NBPF26: variants seen among roughly 807,000 people sequenced by gnomAD.
NBPF26 encodes the protein NBPF family member NBPF26.
Under a neutral mutation model 119.6 loss-of-function variants are expected in NBPF26, and 79 were observed. The observed-to-expected ratio is 0.66, with a 90% CI of 0.55 to 0.80. The LOEUF (loss-of-function observed/expected upper bound fraction) is 0.80. NBPF26 is among the 30% of genes least tolerant of loss of function. The pLI, the probability that NBPF26 is intolerant of heterozygous loss-of-function variation, is 0.00. For synonymous variants in NBPF26, 299 were observed against 457.7 expected (o/e 0.65, Z 4.43); for missense variants, 800 against 1,198.2 (o/e 0.67, Z 4.91).
intron 1 of NBPF26, among the ~76,000 whole-genome samples, chr1:120,727,897 A>T (rs1650833357): frequency 1.7e-5 from 2 of 117,896 alleles, no homozygotes; most frequent in Non-Finnish European, 3.3e-5. Context: ...TGGACAGATC[A>T]CTGAACTAGG....
intron 23 of NBPF26, among the ~76,000 whole-genome samples, chr1:120,833,365 T>TTCCC (rs1553273000): frequency 3.0e-5 from 1 of 33,526 alleles, no homozygotes; most frequent in Admixed American, 2.9e-4. Context: ...CTAGGTCACT[T>TTCCC]TCTCTCTGTC....
rs1258747405 is a variant in NBPF26 at position 120,790,338 on chromosome 1, T to A, written c.416-2823T>A. Among the ~76,000 whole-genome samples, 2 of 113,324 alleles carry A rather than the reference T, an allele frequency of 1.8e-5. 1 individual carries two copies. Among genetic ancestry groups the A allele is most frequent in the African/African-American group, 1.1e-4 (2 of 18,674 alleles). The allele number at this position is 113,324 out of a possible 152,430, so 74.3% of individuals were successfully genotyped here. The stretch of plus-strand genomic sequence containing the variant: ...CGATTCTGATCATCTTTTATACATA[T>A]GCTATTTTTGTCTATCACTTTAGGA... On this transcript the variant is annotated intron_variant, in intron 3 of 29. Coordinates refer to ENST00000620612, the Ensembl canonical transcript of NBPF26.
intron 4 of NBPF26, among the ~76,000 whole-genome samples, chr1:120,803,789 T>A: frequency 1.3e-5 from 1 of 79,938 alleles, no homozygotes; most frequent in South Asian, 4.0e-4. Context: ...TTACTAAATA[T>A]GTGAATATTT....
At chr1:120,801,320 C>T (rs1436497236) in intron 4 of NBPF26, among the ~76,000 whole-genome samples, 1 of 120,192 alleles carries the variant, frequency 8.3e-6, no homozygotes, top group Non-Finnish European at 1.7e-5. Context: ...CCCATAGGTA[C>T]AGGCATGCTT....
exon 10 of NBPF26, chr1:120,811,908 C>T (rs1651878090): frequency 1.1e-5 from 12 of 1,066,162 alleles, no homozygotes; most frequent in Non-Finnish European, 1.6e-5. Flanking sequence ...CCTCTTCTGC[C>T]ACAAACGTCA....
At chr1:120,810,946 A>G (rs1439655755) in intron 9 of NBPF26, among the ~76,000 whole-genome samples, 1 of 108,454 alleles carries the variant, frequency 9.2e-6, no homozygotes, top group South Asian at 2.7e-4. Context: ...TGTCTTAGCT[A>G]TTAATAAGTC....
intron 1 of NBPF26, among the ~76,000 whole-genome samples, chr1:120,730,584 T>A (rs1650865032): frequency 8.7e-6 from 1 of 114,386 alleles, no homozygotes; most frequent in Non-Finnish European, 1.7e-5. Flanking sequence ...AGATCTGTTT[T>A]TTCTCCTGTC....
In NBPF26 at chr1:120,777,454, T is replaced by C. The variant is rs1651311896; in HGVS notation, c.156-7520T>C. Among the ~76,000 whole-genome samples, 2 of 105,164 alleles carry C rather than the reference T, an allele frequency of 1.9e-5. 1 individual carries two copies. Among genetic ancestry groups the C allele is most frequent in the Non-Finnish European group, 3.5e-5 (2 of 56,786 alleles). The allele number at this position is 105,164 out of a possible 152,430, so 69.0% of individuals were successfully genotyped here. On this transcript the variant is annotated intron_variant, in intron 2 of 29. Coordinates refer to ENST00000620612, the Ensembl canonical transcript of NBPF26. Reference sequence around the variant, plus strand: ...TGATAAAAGTGTGTATGTGTGTGTGTACGTGTGTGAGAGTGAGAGATTGTA... The same window carrying C: ...TGATAAAAGTGTGTATGTGTGTGTGCACGTGTGTGAGAGTGAGAGATTGTA...
chr1:120,822,005 C>A lies in NBPF26; in HGVS notation c.2424-99C>A. ...GGAAAAATGCCTTTGGTTTCTGTGA[C>A]CACTCCATTCTGTCTCCCATCAGAT... On this transcript the variant is annotated intron_variant, in intron 15 of 29. Coordinates refer to ENST00000620612, the Ensembl canonical transcript of NBPF26. The A allele has an allele frequency of 2.4e-6, 3 of 1,240,632 alleles. 1 individual carries two copies. The South Asian group carries it at 3.9e-5, about 16-fold the overall frequency. 76.9% of individuals were successfully genotyped at this position (1,240,632 alleles called of 1,614,324 possible).
At position 120,823,630 on chromosome 1, in the gene NBPF26, G is replaced by C. The variant is rs1161627625; in HGVS notation, c.2639+270G>C. On this transcript the variant is annotated intron_variant, in intron 17 of 29. Coordinates refer to ENST00000620612, the Ensembl canonical transcript of NBPF26. ...GCAGGGAAACTTGACCACATTTTAC[G>C]CAAAATTATTGAGGACATGCTTTTC... is the stretch of plus-strand genomic sequence containing the variant. 2.5e-3 allele frequency among the ~76,000 whole-genome samples: 312 copies of C among 125,140 alleles called. 18 individuals are homozygous for C. The East Asian group carries it at 0.054, about 22-fold the overall frequency. The allele number at this position is 125,140 out of a possible 152,430, so 82.1% of individuals were successfully genotyped here. A position where few individuals can be genotyped will look rare whatever the true frequency, so the allele number is the denominator to read the frequency against.
In NBPF26 at chr1:120,790,392, G is replaced by T. The variant is rs1157262178; in HGVS notation, c.416-2769G>T. 8.7e-5 allele frequency among the ~76,000 whole-genome samples: 10 copies of T among 114,796 alleles called. 4 individuals are homozygous for T. The highest frequency in any genetic ancestry group is 1.3e-4 in the Non-Finnish European group (8 of 60,396). 75.3% of individuals were successfully genotyped at this position (114,796 alleles called of 152,430 possible). A position where few individuals can be genotyped will look rare whatever the true frequency, so the allele number is the denominator to read the frequency against. On this transcript the variant is annotated intron_variant, in intron 3 of 29. Transcript: ENST00000620612. Reference sequence around the variant, plus strand: ...ATCACAGATCAAGGTCATCCTTTTGGTTTTTGTGATAGCACTATACCTCAG... The same window carrying T: ...ATCACAGATCAAGGTCATCCTTTTGTTTTTTGTGATAGCACTATACCTCAG...
intron 3 of NBPF26, among the ~76,000 whole-genome samples, chr1:120,790,582 T>G (rs1175312624): frequency 6.6e-5 from 7 of 106,486 alleles, no homozygotes; most frequent in African/African-American, 1.8e-4. Flanking sequence ...CTTTCTTTCT[T>G]TCTTTCTTTC....
rs1444610759 is a variant in NBPF26, at chr1:120,824,094, T to C, written c.2760T>C (p.Ser920=). The C allele has an allele frequency of 2.0e-4, 93 of 467,706 alleles. 7 individuals are homozygous for C. In the East Asian group the frequency reaches 2.2e-3, roughly 11 times the overall value. 29.0% of individuals were successfully genotyped at this position (467,706 alleles called of 1,614,324 possible). ...CTGACTCATGCCAGCCCTACAGAAGTGCCTTTTACGTATTGGAGCAACAGC... is the reference window on the plus strand; with the variant it reads ...CTGACTCATGCCAGCCCTACAGAAGCGCCTTTTACGTATTGGAGCAACAGC... The change falls in exon 18 of 30, where the codon AGT becomes AGC. Residue 920 remains serine (S), a synonymous_variant. Coordinates refer to ENST00000620612, the Ensembl canonical transcript of NBPF26.
At chr1:120,805,606 G>C in exon 5 of NBPF26, 2 of 1,461,846 alleles carry the variant, frequency 1.4e-6, no homozygotes, top group Non-Finnish European at 1.9e-6. Context: ...GGTATCAGCC[G>C]GCCATTGGTC....
At position 120,818,528 on chromosome 1, in the gene NBPF26, T is replaced by A. The variant is rs1420579388; in HGVS notation, c.2423+354T>A. On this transcript the variant is annotated intron_variant, in intron 15 of 29. Coordinates refer to ENST00000620612, the Ensembl canonical transcript of NBPF26. ...AGTTACTTCTTGTCTTCTGCTAGCT[T>A]TTGAATTTGTTTGCTTTGCTTCTCT... Among the ~76,000 whole-genome samples, 6 of 124,680 alleles carry A rather than the reference T, an allele frequency of 4.8e-5. 2 individuals are homozygous for A. Among genetic ancestry groups the A allele is most frequent in the Admixed American group, 4.6e-4 (6 of 13,088 alleles). 81.8% of individuals were successfully genotyped at this position (124,680 alleles called of 152,430 possible).
At chr1:120,793,195 T>C in exon 4 of NBPF26, 1 of 1,441,936 alleles carries the variant, frequency 6.9e-7, no homozygotes. Context: ...CCTGCCTGTC[T>C]CATCTCTGTG....
rs1402230018 is a variant in NBPF26, at chr1:120,793,429, G to A, written c.684G>A (p.Ser228=). The A allele has an allele frequency of 1.2e-4, 179 of 1,442,524 alleles. 44 individuals are homozygous for A. Among genetic ancestry groups the A allele is most frequent in the East Asian group, 6.3e-4 (27 of 42,752 alleles). 89.4% of individuals were successfully genotyped at this position (1,442,524 alleles called of 1,614,324 possible). The change falls in exon 4 of 30, where the codon TCG becomes TCA. Residue 228 remains serine, a synonymous_variant. Coordinates refer to ENST00000620612, the Ensembl canonical transcript of NBPF26. ...GACTGTATGTGCCCTGTGCACACTCGCCTTGTGTCAATGGAGGCACCTGTC... is the reference window on the plus strand; with the variant it reads ...GACTGTATGTGCCCTGTGCACACTCACCTTGTGTCAATGGAGGCACCTGTC...
chr1:120,815,338 A>G (rs1349262698), intron 12 of NBPF26, among the ~76,000 whole-genome samples: 2 of 116,804 alleles, frequency 1.7e-5, no homozygotes, highest in Admixed American at 8.1e-5. Context: ...CAGGCTTGTT[A>G]GAGTGAAAAG....
At position 120,793,402 on chromosome 1, in the gene NBPF26, C is replaced by T. The variant is rs1651515955; in HGVS notation, c.657C>T (p.Asp219=). The T allele has an allele frequency of 2.8e-6, 4 of 1,440,084 alleles. 1 individual carries two copies. Among genetic ancestry groups the T allele is most frequent in the Non-Finnish European group, 3.7e-6 (4 of 1,077,390 alleles). 89.2% of individuals were successfully genotyped at this position (1,440,084 alleles called of 1,614,324 possible). A position where few individuals can be genotyped will look rare whatever the true frequency, so the allele number is the denominator to read the frequency against. ...AGGGCTTCACAGGCCAGTACTGTGA[C>T]AGACTGTATGTGCCCTGTGCACACT... The change falls in exon 4 of 30, where the codon GAC becomes GAT. Residue 219 remains aspartate (D), a synonymous_variant. Coordinates refer to ENST00000620612, the Ensembl canonical transcript of NBPF26.
Sources: allele counts gnomAD v4.1 joint callset (sites outside exome capture counted in the v4.1 genomes callset), GRCh38; gene constraint gnomAD v4.1.1; transcripts MANE v1.5; gene names NCBI Gene and HGNC (gene_info 2026-07-23, HGNC 2026-07-21).